SLC24A2: variants seen among roughly 807,000 people sequenced by gnomAD.
SLC24A2 encodes solute carrier family 24 member 2.
Under a neutral mutation model 62.0 loss-of-function variants are expected in SLC24A2, and 36 were observed. That is an observed-to-expected ratio of 0.58 (90% CI 0.44 to 0.77). The LOEUF (loss-of-function observed/expected upper bound fraction) is 0.77. Ranked by LOEUF, SLC24A2 falls within the 30% of genes least tolerant of loss-of-function variation. The pLI, the probability that SLC24A2 is intolerant of heterozygous loss-of-function variation, is 0.00. For synonymous variants in SLC24A2, 358 were observed against 294.0 expected (o/e 1.22, Z -2.23); for missense variants, 846 against 817.9 (o/e 1.03, Z -0.42).
At chr9:19,558,295 G>C (rs987663462) in intron 7 of SLC24A2, among the ~76,000 whole-genome samples, 11 of 152,074 alleles carry the variant, frequency 7.2e-5, no homozygotes, top group Non-Finnish European at 1.2e-4. Context: ...AAGTTCCTAG[G>C]TGCAAATTTA....
At chr9:20,259,886 T>G in the SLC24A2 span, among the ~76,000 whole-genome samples, 1 of 152,086 alleles carries the variant, frequency 6.6e-6, no homozygotes, top group Non-Finnish European at 1.5e-5. Flanking sequence ...CCCAGGAGTT[T>G]GAGACCAGCC....
intron 2 of SLC24A2, among the ~76,000 whole-genome samples, chr9:19,671,931 G>T (rs757598138): frequency 7.6e-5 from 11 of 145,604 alleles, no homozygotes; most frequent in Non-Finnish European, 1.5e-4. Context: ...ATTTTTTTTT[G>T]ATATGCTTTT....
At chr9:20,072,281 G>A in the SLC24A2 span, among the ~76,000 whole-genome samples, 4 of 152,248 alleles carry the variant, frequency 2.6e-5, no homozygotes, top group Non-Finnish European at 5.9e-5. Context: ...TTCCTCCAGA[G>A]TATGGGGCAG....
chr9:20,162,230 A>G, the SLC24A2 span, among the ~76,000 whole-genome samples: 1 of 151,670 alleles, frequency 6.6e-6, no homozygotes, highest in African/African-American at 2.4e-5. Flanking sequence ...ATAGCAAGAC[A>G]CCTCTTAAAA....
At chr9:19,876,388 G>A in the SLC24A2 span, among the ~76,000 whole-genome samples, 3 of 151,880 alleles carry the variant, frequency 2.0e-5, no homozygotes, top group Non-Finnish European at 4.4e-5. Flanking sequence ...GTGTGTGTGT[G>A]TGTGTGTGTG....
the SLC24A2 span, among the ~76,000 whole-genome samples, chr9:20,006,757 G>A: frequency 6.6e-6 from 1 of 152,136 alleles, no homozygotes; most frequent in African/African-American, 2.4e-5. Flanking sequence ...TTTAGGGGCA[G>A]TCTATACAGT....
At chr9:20,287,484 T>C in the SLC24A2 span, among the ~76,000 whole-genome samples, 55 of 152,294 alleles carry the variant, frequency 3.6e-4, no homozygotes, top group African/African-American at 1.3e-3. Flanking sequence ...AGCTCTATTC[T>C]GATAACCACA....
At chr9:20,272,414 C>T in the SLC24A2 span, among the ~76,000 whole-genome samples, 2 of 152,134 alleles carry the variant, frequency 1.3e-5, no homozygotes, top group African/African-American at 4.8e-5. Flanking sequence ...TTAGCTCAGC[C>T]TCCCTAATTT....
At chr9:20,275,005 A>G in the SLC24A2 span, among the ~76,000 whole-genome samples, 1 of 152,118 alleles carries the variant, frequency 6.6e-6, no homozygotes, top group African/African-American at 2.4e-5. Context: ...TGACAGGATT[A>G]GGGGTGGACT....
At chr9:19,556,234 C>T (rs1835080695) in intron 7 of SLC24A2, among the ~76,000 whole-genome samples, 1 of 152,188 alleles carries the variant, frequency 6.6e-6, no homozygotes, top group South Asian at 2.1e-4. Flanking sequence ...GCATGTACAT[C>T]TTACACTTTT....
the SLC24A2 span, among the ~76,000 whole-genome samples, chr9:20,128,052 T>A: frequency 6.6e-6 from 1 of 152,130 alleles, no homozygotes; most frequent in Non-Finnish European, 1.5e-5. Flanking sequence ...TGGTTTTGCT[T>A]CATGTTCCTG....
At chr9:19,705,498 A>C (rs563358410) in intron 2 of SLC24A2, 22 of 220,558 alleles carry the variant, frequency 1.0e-4, no homozygotes, top group African/African-American at 4.6e-4. Context: ...CTGTCCAGGA[A>C]GAAGCACAGA....
chr9:20,021,501 T>C, the SLC24A2 span, among the ~76,000 whole-genome samples: 2 of 151,994 alleles, frequency 1.3e-5, no homozygotes, highest in African/African-American at 2.4e-5. Context: ...GGAGAACGAG[T>C]TCTGGATTTT....
At chr9:20,028,725 G>T in the SLC24A2 span, among the ~76,000 whole-genome samples, 1 of 152,156 alleles carries the variant, frequency 6.6e-6, no homozygotes, top group East Asian at 1.9e-4. Context: ...CCCACCTGCG[G>T]CATCTCTTGA....
chr9:19,612,706 G>A (rs776142570), intron 4 of SLC24A2, among the ~76,000 whole-genome samples: 11 of 152,048 alleles, frequency 7.2e-5, no homozygotes, highest in Non-Finnish European at 1.6e-4. Context: ...ACTGCTCATA[G>A]TTCTTTATCA....
the SLC24A2 span, among the ~76,000 whole-genome samples, chr9:20,154,316 C>A: frequency 1.3e-5 from 2 of 151,782 alleles, no homozygotes; most frequent in Non-Finnish European, 2.9e-5. Context: ...ACACTGGGTA[C>A]TGACAGCCTG....
the SLC24A2 span, among the ~76,000 whole-genome samples, chr9:20,109,545 A>T: frequency 6.6e-6 from 1 of 152,182 alleles, no homozygotes; most frequent in East Asian, 1.9e-4. Flanking sequence ...CTGGGTACTG[A>T]GTTCCTAATG....
chr9:19,606,232 G>A (rs1299861048), intron 4 of SLC24A2, among the ~76,000 whole-genome samples: 1 of 152,130 alleles, frequency 6.6e-6, no homozygotes, highest in African/African-American at 2.4e-5. Context: ...CTGGATAAAA[G>A]GTTTTTTCTC....
chr9:19,851,470 T>C, the SLC24A2 span, among the ~76,000 whole-genome samples: 1 of 152,114 alleles, frequency 6.6e-6, no homozygotes, highest in Non-Finnish European at 1.5e-5. Flanking sequence ...GTCCTGATGC[T>C]CTCCCATCCC....
Sources: allele counts gnomAD v4.1 joint callset (sites outside exome capture counted in the v4.1 genomes callset), GRCh38; gene constraint gnomAD v4.1.1; transcripts MANE v1.5; gene names NCBI Gene and HGNC (gene_info 2026-07-23, HGNC 2026-07-21).